Variants in NRXN1 observed in about 807,000 individuals in gnomAD.
NRXN1 encodes the protein neurexin 1.
In NRXN1, 39 loss-of-function variants were observed where a neutral mutation model predicts 150.9. That is an observed-to-expected ratio of 0.26 (90% confidence interval 0.20 to 0.34). The LOEUF is 0.34. Ranked by LOEUF, NRXN1 falls within the 10% of genes least tolerant of loss-of-function variation. The probability of loss-of-function intolerance (pLI) is 1.00; values close to 1 mark genes in which losing one functional copy is unlikely to be tolerated. For missense variants in NRXN1, 1,815 were observed against 1,949.9 expected, an observed-to-expected ratio of 0.93 and a Z score of 1.30; for synonymous variants, 924 against 757.0, an observed-to-expected ratio of 1.22 and a Z score of -3.62.
intron 12 of NRXN1, among the ~76,000 whole-genome samples, chr2:50,525,457 T>C (rs1360902845): frequency 3.3e-5 from 5 of 152,234 alleles, no homozygotes; most frequent in Non-Finnish European, 7.3e-5. Context: ...CTTCTATTCC[T>C]ATCCTGGACA....
At chr2:50,965,241 T>G (rs951089084) in intron 2 of NRXN1, among the ~76,000 whole-genome samples, 1 of 151,444 alleles carries the variant, frequency 6.6e-6, no homozygotes, top group Non-Finnish European at 1.5e-5. Flanking sequence ...GCTATTTTTA[T>G]CTCAAGGAGA....
At chr2:50,098,013 G>T (rs1299033779) in intron 18 of NRXN1, among the ~76,000 whole-genome samples, 1 of 152,014 alleles carries the variant, frequency 6.6e-6, no homozygotes, top group Non-Finnish European at 1.5e-5. Context: ...AATTTAGATG[G>T]CCTATAATGG....
At chr2:50,285,400 C>G (rs984402677) in intron 17 of NRXN1, among the ~76,000 whole-genome samples, 1 of 152,130 alleles carries the variant, frequency 6.6e-6, no homozygotes, top group Non-Finnish European at 1.5e-5. Flanking sequence ...CATTCCATAG[C>G]AGGGCGCAGT....
rs185518634 is a variant in NRXN1, at chr2:50,585,123, C to G, written c.1321-32098G>C. Reference sequence around the variant, plus strand: ...AAAATAATGTAGTAGTAGTTTAGCCCATGAATTCTAGTATCAGATCTGGAT... The same window carrying G: ...AAAATAATGTAGTAGTAGTTTAGCCGATGAATTCTAGTATCAGATCTGGAT... On this transcript the variant is annotated intron_variant, in intron 8 of 22. Transcript: ENST00000401669. Among the ~76,000 whole-genome samples, 926 of 152,208 alleles carry G rather than the reference C, an allele frequency of 6.1e-3. 8 individuals are homozygous for G. The highest frequency in any genetic ancestry group is 9.9e-3 in the Non-Finnish European group (673 of 68,006).
At chr2:49,949,744 C>T (rs1428963052) in intron 21 of NRXN1, among the ~76,000 whole-genome samples, 1 of 151,836 alleles carries the variant, frequency 6.6e-6, no homozygotes, top group Non-Finnish European at 1.5e-5. Context: ...CATTGTATAA[C>T]ATTATTTAGC....
chr2:50,559,942 TG>T (rs1558937419), intron 8 of NRXN1, among the ~76,000 whole-genome samples: 1 of 152,178 alleles, frequency 6.6e-6, no homozygotes, highest in Admixed American at 6.5e-5. Context: ...CATATAAAGT[TG>T]GTGCTTTCCA....
chr2:50,981,043 T>C (rs921128235), intron 2 of NRXN1, among the ~76,000 whole-genome samples: 1 of 152,106 alleles, frequency 6.6e-6, no homozygotes, highest in African/African-American at 2.4e-5. Flanking sequence ...TAAAAAGTAA[T>C]TACAGATATC....
At chr2:50,087,058 A>T (rs539271722) in intron 19 of NRXN1, among the ~76,000 whole-genome samples, 1 of 152,218 alleles carries the variant, frequency 6.6e-6, no homozygotes, top group Middle Eastern at 3.4e-3. Flanking sequence ...GCTTGAAAAG[A>T]CCTAAATCTA....
intron 19 of NRXN1, among the ~76,000 whole-genome samples, chr2:50,070,204 T>C (rs1696038241): frequency 6.6e-6 from 1 of 152,078 alleles, no homozygotes; most frequent in Admixed American, 6.5e-5. Context: ...GGCATTATGA[T>C]ACTAGGAAAT....
chr2:50,818,034 C>A (rs1669173862), intron 5 of NRXN1, among the ~76,000 whole-genome samples: 1 of 128,912 alleles, frequency 7.8e-6, no homozygotes, highest in African/African-American at 2.9e-5. Flanking sequence ...TAAAATGCAT[C>A]AAAGCCAGCA....
intron 8 of NRXN1, among the ~76,000 whole-genome samples, chr2:50,596,837 T>G (rs960271771): frequency 6.9e-6 from 1 of 145,602 alleles, no homozygotes; most frequent in Non-Finnish European, 1.5e-5. Context: ...CAGGTGCCTA[T>G]GAGGAACGTG....
At chr2:50,004,178 G>A (rs1684392978) in intron 21 of NRXN1, among the ~76,000 whole-genome samples, 2 of 152,042 alleles carry the variant, frequency 1.3e-5, no homozygotes, top group South Asian at 4.1e-4. Context: ...GTTATTTTAG[G>A]GAACCCAGGA....
intron 18 of NRXN1, among the ~76,000 whole-genome samples, chr2:50,113,899 G>C (rs550272337): frequency 6.6e-6 from 1 of 151,986 alleles, no homozygotes; most frequent in Non-Finnish European, 1.5e-5. Flanking sequence ...AATTTTTATT[G>C]AGTATCTCTA....
At chr2:50,616,869 G>T (rs2194384) in intron 8 of NRXN1, among the ~76,000 whole-genome samples, 3,309 of 152,240 alleles carry the variant, frequency 0.022, 125 homozygotes, top group African/African-American at 0.076. Flanking sequence ...ATAATTAAGG[G>T]TTTACACATG....
At chr2:50,690,966 C>T (rs1243939309) in intron 5 of NRXN1, among the ~76,000 whole-genome samples, 1 of 152,140 alleles carries the variant, frequency 6.6e-6, no homozygotes, top group African/African-American at 2.4e-5. Context: ...GATGATTAAG[C>T]TGAGTGTTAA....
chr2:50,493,892 C>T (rs188619726), intron 15 of NRXN1, among the ~76,000 whole-genome samples: 6 of 152,244 alleles, frequency 3.9e-5, no homozygotes, highest in East Asian at 1.9e-4. Context: ...TATCTTAATA[C>T]TATGTAATAT....
intron 9 of NRXN1, among the ~76,000 whole-genome samples, chr2:50,544,677 G>T (rs906558888): frequency 3.9e-5 from 6 of 152,108 alleles, no homozygotes; most frequent in African/African-American, 1.4e-4. Flanking sequence ...ACAGCAGTTA[G>T]TAAACTAACC....
chr2:49,989,741 A>G (rs538625468), intron 21 of NRXN1, among the ~76,000 whole-genome samples: 1 of 152,328 alleles, frequency 6.6e-6, no homozygotes, highest in African/African-American at 2.4e-5. Flanking sequence ...AATCTTATCT[A>G]TAGCAAGAGC....
chr2:49,992,493 T>C (rs1424220727), intron 21 of NRXN1, among the ~76,000 whole-genome samples: 7 of 151,902 alleles, frequency 4.6e-5, no homozygotes, highest in South Asian at 2.1e-4. Context: ...GGCAGGGAAA[T>C]TGCTTGAACT....
Sources: allele counts gnomAD v4.1 joint callset (sites outside exome capture counted in the v4.1 genomes callset), GRCh38; gene constraint gnomAD v4.1.1; transcripts MANE v1.5; gene names NCBI Gene and HGNC (gene_info 2026-07-23, HGNC 2026-07-21).